KATNIP: variants seen among roughly 807,000 people sequenced by gnomAD.
KATNIP encodes katanin-interacting protein.
KATNIP carries 126 observed loss-of-function variants against 174.0 expected under a neutral mutation model. That is an observed-to-expected ratio of 0.72 (90% CI 0.63 to 0.84). The LOEUF (loss-of-function observed/expected upper bound fraction) is 0.84. KATNIP is among the 40% of genes least tolerant of loss of function. The pLI is 0.00. For missense variants in KATNIP, 1,958 were observed against 2,109.7 expected (o/e 0.93, Z 1.41); for synonymous variants, 810 against 835.7 (o/e 0.97, Z 0.53).
chr16:27,593,789 G>T (rs571112399), intron 2 of KATNIP, among the ~76,000 whole-genome samples: 1 of 152,256 alleles, frequency 6.6e-6, no homozygotes, highest in Admixed American at 6.5e-5. Flanking sequence ...ATTACTTCAG[G>T]TGTGAACCAC....
At chr16:27,676,389 T>C (rs575291431) in intron 6 of KATNIP, among the ~76,000 whole-genome samples, 1 of 152,270 alleles carries the variant, frequency 6.6e-6, no homozygotes, top group Admixed American at 6.5e-5. Flanking sequence ...TCGGTCTGTA[T>C]AGGATGATTT....
At chr16:27,576,686 G>A (rs1252883026) in intron 2 of KATNIP, among the ~76,000 whole-genome samples, 7 of 151,154 alleles carry the variant, frequency 4.6e-5, no homozygotes, top group Middle Eastern at 3.2e-3. Context: ...CAGGACTCTC[G>A]TCTGACAGAT....
chr16:27,709,344 G>A (rs1353178184), intron 13 of KATNIP, among the ~76,000 whole-genome samples: 2 of 146,890 alleles, frequency 1.4e-5, no homozygotes, highest in Admixed American at 6.8e-5. Flanking sequence ...AAAATAGGCC[G>A]GGTATGGTGG....
At chr16:27,658,680 T>TA (rs1310315845) in intron 6 of KATNIP, among the ~76,000 whole-genome samples, 1 of 152,096 alleles carries the variant, frequency 6.6e-6, no homozygotes, top group East Asian at 1.9e-4. Flanking sequence ...CGATGTCCCT[T>TA]AAAAAAATAA....
At chr16:27,766,270 C>G in intron 19 of KATNIP, 39 bp from the exon 20 acceptor site, 1 of 1,606,328 alleles carries the variant, frequency 6.2e-7, no homozygotes. Context: ...CCTGTGCCCA[C>G]TGAGCCGCCC....
intron 2 of KATNIP, among the ~76,000 whole-genome samples, chr16:27,583,064 C>A (rs1415097703): frequency 6.6e-6 from 1 of 152,170 alleles, no homozygotes; most frequent in Non-Finnish European, 1.5e-5. Context: ...GATGTGTACA[C>A]AAACACCCAA....
At chr16:27,665,121 A>G (rs1211921584) in intron 6 of KATNIP, among the ~76,000 whole-genome samples, 5 of 143,824 alleles carry the variant, frequency 3.5e-5, no homozygotes, top group Non-Finnish European at 6.1e-5. Flanking sequence ...TGTTCTCCGG[A>G]GGTTGTTTTT....
At chr16:27,752,184 G>A (rs1020679800) in intron 17 of KATNIP, among the ~76,000 whole-genome samples, 10 of 152,050 alleles carry the variant, frequency 6.6e-5, no homozygotes, top group African/African-American at 1.7e-4. Flanking sequence ...TGAGCTCTGT[G>A]TCATCTCTGC....
intron 6 of KATNIP, among the ~76,000 whole-genome samples, chr16:27,670,702 T>C (rs1291622348): frequency 6.6e-6 from 1 of 152,110 alleles, no homozygotes; most frequent in African/African-American, 2.4e-5. Flanking sequence ...TCCAGGGTCC[T>C]CCACTCCACC....
intron 8 of KATNIP, among the ~76,000 whole-genome samples, chr16:27,689,808 A>G (rs1021725818): frequency 3.9e-5 from 6 of 152,160 alleles, no homozygotes; most frequent in Non-Finnish European, 7.3e-5. Context: ...GCTGGGCCAG[A>G]TGGTCTAGGA....
rs756739467 is a variant in KATNIP, at chr16:27,777,599, T to C, written c.4552-11T>C. The C allele has an allele frequency of 1.2e-6, 2 of 1,601,400 alleles. No homozygotes were observed. The highest frequency in any genetic ancestry group is 1.7e-6 in the Non-Finnish European group (2 of 1,173,010). On this transcript the variant is annotated splice_polypyrimidine_tract_variant and intron_variant, in intron 25 of 27. Coordinates refer to ENST00000261588, the MANE Select transcript of KATNIP (RefSeq NM_015202.5). The surrounding 1 kb of genome is among the most constrained non-coding windows in gnomAD (Gnocchi z 4.4). ...AGGGGGACCCATGAGTCCTGCCCCGTGTCCCTGCAGCTCCTGGTGGACGAC... is the reference window on the plus strand; with the variant it reads ...AGGGGGACCCATGAGTCCTGCCCCGCGTCCCTGCAGCTCCTGGTGGACGAC...
chr16:27,778,380 C>T (rs1466592022), intron 27 of KATNIP, among the ~76,000 whole-genome samples, 194 bp from the exon 28 acceptor site: 5 of 152,174 alleles, frequency 3.3e-5, no homozygotes, highest in Admixed American at 3.3e-4. Context: ...TGGGCAAAGG[C>T]TGAGAGGGGT....
chr16:27,645,030 C>G (rs2076917574), intron 5 of KATNIP, among the ~76,000 whole-genome samples: 1 of 152,218 alleles, frequency 6.6e-6, no homozygotes, highest in Admixed American at 6.5e-5. Flanking sequence ...TTGCTCCCCT[C>G]AAGCCAGCCC....
intron 1 of KATNIP, among the ~76,000 whole-genome samples, chr16:27,555,879 C>T (rs2089603243): frequency 6.6e-6 from 1 of 151,196 alleles, no homozygotes; most frequent in Admixed American, 6.6e-5. Flanking sequence ...GTGGCTCATG[C>T]CTGACTTTGG....
intron 21 of KATNIP, 55 bp from the exon 22 acceptor site, chr16:27,771,519 AGGGGGTAACTGGCT>A (rs1251337670): frequency 1.4e-5 from 21 of 1,455,636 alleles, no homozygotes; most frequent in Non-Finnish European, 1.8e-5. Context: ...GCTGTTACCT[AGGGGGTAACTGGCT>A]GGTGATTCTG....
chr16:27,571,187 C>T (rs1020001312), intron 1 of KATNIP, among the ~76,000 whole-genome samples: 5 of 152,040 alleles, frequency 3.3e-5, no homozygotes, highest in African/African-American at 7.3e-5. Flanking sequence ...CATGTGCCAC[C>T]ATGCCCGGCT....
chr16:27,626,041 G>A (rs557447690), intron 3 of KATNIP, among the ~76,000 whole-genome samples: 1 of 151,898 alleles, frequency 6.6e-6, no homozygotes, highest in African/African-American at 2.4e-5. Flanking sequence ...ATAGAGACGG[G>A]GTTTCACCAT....
rs777507679 is a variant in KATNIP at position 27,618,379 on chromosome 16, G to T, written c.64-46G>T. 2.1e-6 allele frequency: 3 copies of T among 1,452,006 alleles called. No homozygotes were observed. The South Asian group carries it at 3.4e-5, about 17-fold the overall frequency. 89.9% of individuals were successfully genotyped at this position (1,452,006 alleles called of 1,614,324 possible). A position where few individuals can be genotyped will look rare whatever the true frequency, so the allele number is the denominator to read the frequency against. On this transcript the variant is annotated intron_variant, in intron 2 of 27. Coordinates refer to ENST00000261588, the MANE Select transcript of KATNIP (RefSeq NM_015202.5). The stretch of plus-strand genomic sequence containing the variant: ...TGCTGCACCTGCACTCTCAGTCAGT[G>T]CTTCCCTGCATTCCGATATCACACT...
intron 22 of KATNIP, among the ~76,000 whole-genome samples, chr16:27,772,199 G>T (rs759331629): frequency 2.0e-5 from 3 of 152,172 alleles, no homozygotes; most frequent in Non-Finnish European, 2.9e-5. Context: ...TTGAGCCCAG[G>T]AGTTCGAGGC....
Sources: allele counts gnomAD v4.1 joint callset (sites outside exome capture counted in the v4.1 genomes callset), GRCh38; gene constraint gnomAD v4.1.1; non-coding constraint Gnocchi (gnomAD v3.1); transcripts MANE v1.5; gene names NCBI Gene and HGNC (gene_info 2026-07-23, HGNC 2026-07-21).